RTL4: variants seen among roughly 807,000 people sequenced by gnomAD.
RTL4 encodes retrotransposon Gag-like protein 4.
RTL4 carries 4 observed loss-of-function variants against 5.3 expected under a neutral mutation model. The ratio of observed to expected loss-of-function variants is 0.75; its 90% CI spans 0.37 to 1.72. RTL4 has a LOEUF of 1.72. Ranked by LOEUF, RTL4 falls within the 40% of genes most tolerant of loss-of-function variation. The pLI, the probability that RTL4 is intolerant of heterozygous loss-of-function variation, is 0.04. For synonymous variants in RTL4, 98 were observed against 87.3 expected, an observed-to-expected ratio of 1.12 and a Z score of -0.68; for missense variants, 260 against 227.1, an observed-to-expected ratio of 1.14 and a Z score of -0.93.
At chrX:112,306,741 C>T in the RTL4 span, among the ~76,000 whole-genome samples, 1 of 111,658 alleles carries the variant, frequency 9.0e-6, no homozygotes, top group Non-Finnish European at 1.9e-5. Flanking sequence ...AGAAGCAGTG[C>T]ATGCAGATTC....
chrX:112,403,140 C>A, the RTL4 span, among the ~76,000 whole-genome samples: 2 of 111,419 alleles, frequency 1.8e-5, no homozygotes, highest in Admixed American at 1.9e-4. Flanking sequence ...ATGCATCCCC[C>A]CCAACCTTTG....
the RTL4 span, among the ~76,000 whole-genome samples, chrX:112,437,148 A>T: frequency 9.0e-6 from 1 of 111,666 alleles, no homozygotes; most frequent in Admixed American, 9.6e-5. Context: ...CTCAGTCACG[A>T]CTTGGCAGAC....
chrX:112,294,466 G>T, the RTL4 span, among the ~76,000 whole-genome samples: 5 of 110,868 alleles, frequency 4.5e-5, no homozygotes, highest in African/African-American at 1.6e-4. Flanking sequence ...AGGTATGGTG[G>T]CACATGCCTG....
chrX:112,432,937 GC>G, the RTL4 span, among the ~76,000 whole-genome samples: 2 of 111,701 alleles, frequency 1.8e-5, no homozygotes, highest in African/African-American at 6.5e-5. Context: ...TCCAGTTTCA[GC>G]TTTCTACATA....
chrX:112,296,909 G>A, the RTL4 span, among the ~76,000 whole-genome samples: 4 of 109,798 alleles, frequency 3.6e-5, no homozygotes, highest in South Asian at 3.9e-4. Flanking sequence ...GAGCCACCGC[G>A]CCTGGCTGAG....
At chrX:112,319,217 A>G in the RTL4 span, among the ~76,000 whole-genome samples, 1 of 112,112 alleles carries the variant, frequency 8.9e-6, no homozygotes, top group East Asian at 2.8e-4. Context: ...GGAATAGTGA[A>G]GGTCCCAGAT....
chrX:112,099,700 T>G, the RTL4 span, among the ~76,000 whole-genome samples: 1 of 111,261 alleles, frequency 9.0e-6, no homozygotes, highest in Non-Finnish European at 1.9e-5. Context: ...AGATTCTTTT[T>G]AAAGGAAAAT....
the RTL4 span, among the ~76,000 whole-genome samples, chrX:112,353,238 T>A: frequency 9.0e-6 from 1 of 111,361 alleles, no homozygotes. Context: ...GTTGGTGGGA[T>A]TGTAAACTCG....
the RTL4 span, among the ~76,000 whole-genome samples, chrX:112,406,038 T>C: frequency 1.8e-5 from 2 of 110,775 alleles, no homozygotes; most frequent in Non-Finnish European, 3.8e-5. Flanking sequence ...AAACCACCCC[T>C]AGCCAGAGGG....
the RTL4 span, among the ~76,000 whole-genome samples, chrX:112,335,373 G>C: frequency 3.5e-4 from 39 of 111,346 alleles, no homozygotes; most frequent in South Asian, 6.4e-3. Context: ...AAGAAAGAAA[G>C]AAACAAACAA....
the RTL4 span, among the ~76,000 whole-genome samples, chrX:112,190,137 TC>T: frequency 9.7e-6 from 1 of 102,916 alleles, no homozygotes; most frequent in Admixed American, 1.1e-4. Flanking sequence ...TAGTAGCCTG[TC>T]CCTTTCTTTC....
chrX:112,270,236 C>T, the RTL4 span, among the ~76,000 whole-genome samples: 2 of 112,142 alleles, frequency 1.8e-5, no homozygotes, highest in East Asian at 2.8e-4. Flanking sequence ...AGTCTTCTTA[C>T]GTGGCATAAC....
chrX:112,174,787 G>A, the RTL4 span, among the ~76,000 whole-genome samples: 1 of 100,038 alleles, frequency 1.0e-5, no homozygotes, highest in East Asian at 3.2e-4. Flanking sequence ...ACTGGTGTGA[G>A]ATGATATCTC....
the RTL4 span, among the ~76,000 whole-genome samples, chrX:112,125,417 C>T: frequency 9.0e-6 from 1 of 111,688 alleles, no homozygotes; most frequent in Admixed American, 9.5e-5. Flanking sequence ...TAAACAAAAA[C>T]CACCACTCTC....
chrX:112,201,182 G>T, the RTL4 span, among the ~76,000 whole-genome samples: 1 of 110,497 alleles, frequency 9.1e-6, no homozygotes, highest in African/African-American at 3.3e-5. Flanking sequence ...AAACCATCAG[G>T]TTTCGTAAGA....
At chrX:112,335,201 TTC>T in the RTL4 span, among the ~76,000 whole-genome samples, 2 of 112,169 alleles carry the variant, frequency 1.8e-5, no homozygotes, top group Non-Finnish European at 3.8e-5. Context: ...AATTTCCCAC[TTC>T]TTCTTGAATT....
the RTL4 span, among the ~76,000 whole-genome samples, chrX:112,358,272 T>C: frequency 7.9e-3 from 731 of 92,917 alleles, 10 homozygotes; most frequent in African/African-American, 0.033. Flanking sequence ...AGTTAACTTA[T>C]GCATTTTTTT....
chrX:112,130,900 T>C, the RTL4 span, among the ~76,000 whole-genome samples: 1 of 106,793 alleles, frequency 9.4e-6, no homozygotes, highest in Admixed American at 9.9e-5. Flanking sequence ...TTCATGCCAT[T>C]CTCCTGCTTC....
the RTL4 span, among the ~76,000 whole-genome samples, chrX:112,356,579 G>GGGGTGTGTGTGTGT: frequency 5.0e-4 from 50 of 99,453 alleles, no homozygotes; most frequent in African/African-American, 1.8e-3. Context: ...TTTGTTTTGG[G>GGGGTGTGTGTGTGT]GTGTGTGTGT....
Sources: gnomAD v4.1 joint callset for allele counts (sites outside exome capture counted in the v4.1 genomes callset) on GRCh38, gnomAD v4.1.1 for gene constraint, MANE v1.5 for transcripts, NCBI Gene and HGNC (gene_info 2026-07-23, HGNC 2026-07-21) for gene names.